Variants in MTMR8 observed in about 807,000 individuals in gnomAD.
MTMR8 encodes myotubularin related protein 8, also known as phosphatidylinositol-3,5-bisphosphate 3-phosphatase MTMR8.
In MTMR8, 65 loss-of-function variants were observed where a neutral mutation model predicts 39.3. The observed-to-expected ratio is 1.65, with a 90% CI of 1.35 to 2.03. The LOEUF is 2.03. MTMR8 is among the 30% of genes most tolerant of loss of function. The pLI, the probability that MTMR8 is intolerant of heterozygous loss-of-function variation, is 0.00. For missense variants in MTMR8, 777 were observed against 538.9 expected (o/e 1.44, Z -4.37); for synonymous variants, 245 against 185.2 (o/e 1.32, Z -2.62).
chrX:64,348,958 T>C (rs1455892521), intron 5 of MTMR8, among the ~76,000 whole-genome samples, 164 bp from the exon 6 acceptor site: 1 of 111,869 alleles, frequency 8.9e-6, no homozygotes, highest in Admixed American at 9.5e-5. Flanking sequence ...CCACTGACAT[T>C]GGGCTTAACC....
intron 12 of MTMR8, among the ~76,000 whole-genome samples, chrX:64,318,334 A>T (rs1190985429): frequency 8.9e-6 from 1 of 112,054 alleles, no homozygotes; most frequent in Non-Finnish European, 1.9e-5. Context: ...TTTCTGTAGT[A>T]TTTGACATAG....
chrX:64,336,585 G>A (rs1923081136), intron 9 of MTMR8, among the ~76,000 whole-genome samples: 1 of 108,905 alleles, frequency 9.2e-6, no homozygotes, highest in South Asian at 4.0e-4. Flanking sequence ...ATCACATGAG[G>A]CCAGGAGTTT....
chrX:64,363,673 G>A (rs920823797), intron 1 of MTMR8, among the ~76,000 whole-genome samples: 3 of 111,756 alleles, frequency 2.7e-5, no homozygotes, highest in Admixed American at 9.5e-5. Flanking sequence ...CAGCGTGACC[G>A]ACGCAAAAGA....
chrX:64,348,632 A>T, intron 6 of MTMR8, 28 bp downstream of exon 6: 1 of 1,205,914 alleles, frequency 8.3e-7, no homozygotes, highest in East Asian at 3.0e-5. Context: ...AGGCAGAAAT[A>T]TCAAAGAAAT....
chrX:64,301,266 T>C (rs1921863403), intron 12 of MTMR8, among the ~76,000 whole-genome samples: 2 of 107,132 alleles, frequency 1.9e-5, no homozygotes, highest in Non-Finnish European at 3.9e-5. Flanking sequence ...CTTGGAGGCT[T>C]TGCTCATTTC....
At chrX:64,395,109 AG>A (rs771390418) in intron 1 of MTMR8, among the ~76,000 whole-genome samples, 18 of 112,032 alleles carry the variant, frequency 1.6e-4, no homozygotes, top group Non-Finnish European at 2.4e-4. Context: ...GCGTCGCGTA[AG>A]GGGACAGTGG....
At chrX:64,386,096 C>T (rs1171132533) in intron 1 of MTMR8, among the ~76,000 whole-genome samples, 1 of 101,544 alleles carries the variant, frequency 9.8e-6, no homozygotes, top group Non-Finnish European at 2.0e-5. Flanking sequence ...TTCACCCTGA[C>T]AAAAAAAAAA....
chrX:64,337,316 C>A lies in MTMR8; in HGVS notation c.1053G>T (p.Val351=), dbSNP rs1322756431. The A allele has an allele frequency of 8.3e-7, 1 of 1,209,884 alleles. No individual in the cohort carries two copies. Among genetic ancestry groups the A allele is most frequent in the Admixed American group, 2.2e-5 (1 of 45,986 alleles). ...AAAATGGATCTAGGAGGATGCTAGC[C>A]ACTGAGCAGACTTGTGCTGTGCGGT... is the stretch of plus-strand genomic sequence containing the variant. ...GWDRTAQVCS[V]ASILLDPFYR... Residue 351 remains valine, a synonymous_variant, in exon 9 of 14, where the codon GTG becomes GTT. Coordinates refer to ENST00000374852, the MANE Select transcript of MTMR8 (RefSeq NM_017677.4).
chrX:64,382,413 T>C (rs1365577720), intron 1 of MTMR8, among the ~76,000 whole-genome samples: 1 of 111,640 alleles, frequency 9.0e-6, no homozygotes, highest in Non-Finnish European at 1.9e-5. Context: ...TTGTCTGTTA[T>C]TGGTGTATAA....
intron 12 of MTMR8, among the ~76,000 whole-genome samples, chrX:64,279,913 G>T (rs1042655241): frequency 8.9e-6 from 1 of 111,863 alleles, no homozygotes; most frequent in African/African-American, 3.2e-5. Context: ...AATGGGTGCT[G>T]GGAAAACTTT....
At chrX:64,360,005 A>G (rs957238866) in intron 1 of MTMR8, among the ~76,000 whole-genome samples, 5 of 110,571 alleles carry the variant, frequency 4.5e-5, no homozygotes, top group African/African-American at 1.6e-4. Flanking sequence ...GAAATGCCAG[A>G]ATTAAATCCC....
chrX:64,344,193 G>A (rs1200538776), intron 7 of MTMR8, among the ~76,000 whole-genome samples: 2 of 111,198 alleles, frequency 1.8e-5, no homozygotes, highest in East Asian at 2.8e-4. Context: ...ATCCAGCAGA[G>A]GGAAATCTTT....
intron 1 of MTMR8, among the ~76,000 whole-genome samples, chrX:64,365,621 G>A (rs1233170794): frequency 9.0e-6 from 1 of 111,578 alleles, no homozygotes; most frequent in Non-Finnish European, 1.9e-5. Context: ...CACTAAACAT[G>A]GAAAGGAACA....
In MTMR8 at chrX:64,300,541, C is replaced by A. The variant is rs759122090; in HGVS notation, c.1481+28231G>T. On this transcript the variant is annotated intron_variant, in intron 12 of 13. Transcript: ENST00000374852. ...TTGACTCTTTATCCAATTTGCCAGTCTGTGTCTTTTAATTGGAGAATTTAG... is the reference window on the plus strand; with the variant it reads ...TTGACTCTTTATCCAATTTGCCAGTATGTGTCTTTTAATTGGAGAATTTAG... 9.0e-3 allele frequency among the ~76,000 whole-genome samples: 972 copies of A among 108,116 alleles called. 13 individuals carry two copies. Among genetic ancestry groups the A allele is most frequent in the Admixed American group, 0.041 (411 of 10,038 alleles). The allele number at this position is 108,116 out of a possible 115,157, so 93.9% of individuals were successfully genotyped here. A position where few individuals can be genotyped will look rare whatever the true frequency, so the allele number is the denominator to read the frequency against.
At chrX:64,316,956 C>T (rs1411876151) in intron 12 of MTMR8, among the ~76,000 whole-genome samples, 1 of 108,083 alleles carries the variant, frequency 9.3e-6, no homozygotes, top group Non-Finnish European at 1.9e-5. Flanking sequence ...ACTAAAAAGA[C>T]AAAAAGTTAG....
intron 13 of MTMR8, 116 bp downstream of exon 13, chrX:64,270,831 C>G: frequency 1.2e-6 from 1 of 831,348 alleles, no homozygotes; most frequent in Non-Finnish European, 1.7e-6. Flanking sequence ...CATGAAAAGC[C>G]AAAGAGTATA....
intron 12 of MTMR8, among the ~76,000 whole-genome samples, chrX:64,320,694 G>C (rs886633962): frequency 2.7e-5 from 3 of 110,830 alleles, no homozygotes; most frequent in Non-Finnish European, 5.7e-5. Context: ...GCTCTGGAAA[G>C]CTCCTGCAAA....
intron 2 of MTMR8, among the ~76,000 whole-genome samples, chrX:64,358,679 T>A (rs1203229421): frequency 8.1e-5 from 9 of 111,373 alleles, no homozygotes; most frequent in Non-Finnish European, 1.7e-4. Flanking sequence ...ATGTTGTACT[T>A]CTTATAAATG....
intron 12 of MTMR8, among the ~76,000 whole-genome samples, chrX:64,321,671 C>T (rs1922650087): frequency 8.9e-6 from 1 of 111,753 alleles, no homozygotes; most frequent in Non-Finnish European, 1.9e-5. Context: ...TATTCCAAGA[C>T]ATAATGACAG....
Sources: allele counts gnomAD v4.1 joint callset (sites outside exome capture counted in the v4.1 genomes callset), GRCh38; gene constraint gnomAD v4.1.1; transcripts MANE v1.5; gene names NCBI Gene and HGNC (gene_info 2026-07-23, HGNC 2026-07-21).